FMN2: variants seen among roughly 807,000 people sequenced by gnomAD.
FMN2 encodes formin-2.
In FMN2, 51 loss-of-function variants were observed where a neutral mutation model predicts 142.3. The observed-to-expected ratio is 0.36, with a 90% CI of 0.29 to 0.45. FMN2 has a LOEUF of 0.45. Ranked by LOEUF, FMN2 falls within the 20% of genes least tolerant of loss-of-function variation. The pLI is 1.00. For missense variants in FMN2, 1,936 were observed against 2,122.8 expected, an observed-to-expected ratio of 0.91 and a Z score of 1.73; for synonymous variants, 882 against 869.8, an observed-to-expected ratio of 1.01 and a Z score of -0.25.
chr1:240,409,966 C>T (rs960757801), intron 15 of FMN2, among the ~76,000 whole-genome samples: 2 of 152,066 alleles, frequency 1.3e-5, no homozygotes, highest in African/African-American at 2.4e-5. Flanking sequence ...TAAATAATTA[C>T]ACACTTTAGT....
chr1:240,434,554 TG>T (rs1416296052), intron 15 of FMN2, among the ~76,000 whole-genome samples: 1 of 102,708 alleles, frequency 9.7e-6, no homozygotes, highest in Non-Finnish European at 2.4e-5. Context: ...TTTTGTTTTT[TG>T]TTTTTTTTTG....
At chr1:240,432,626 T>C (rs1675214309) in intron 15 of FMN2, among the ~76,000 whole-genome samples, 1 of 152,048 alleles carries the variant, frequency 6.6e-6, no homozygotes, top group South Asian at 2.1e-4. Context: ...CATTTTAAAG[T>C]TCAATTTCTC....
intron 6 of FMN2, among the ~76,000 whole-genome samples, chr1:240,257,450 T>A (rs1027148774): frequency 6.6e-5 from 10 of 152,250 alleles, no homozygotes; most frequent in Non-Finnish European, 1.2e-4. Context: ...AGCACTTTTT[T>A]AAAAAAATTT....
At chr1:240,137,520 A>T (rs1457306037) in intron 2 of FMN2, among the ~76,000 whole-genome samples, 1 of 152,240 alleles carries the variant, frequency 6.6e-6, no homozygotes, top group South Asian at 2.1e-4. Flanking sequence ...CATGTAATAC[A>T]TAGATAGTAA....
At position 240,330,583 on chromosome 1, in the gene FMN2, G is replaced by T. The variant is rs1403439464; in HGVS notation, c.4438-20G>T. Reference sequence around the variant, plus strand: ...TGGTATAAGATAAAAGTTGTTTTTTGTTGTTATTCTGTTTTACAGACATTA... The same window carrying T: ...TGGTATAAGATAAAAGTTGTTTTTTTTTGTTATTCTGTTTTACAGACATTA... On this transcript the variant is annotated intron_variant, in intron 10 of 17. Transcript: ENST00000319653. 6.2e-7 allele frequency: 1 copy of T among 1,601,290 alleles called. No homozygotes were observed. The highest frequency in any genetic ancestry group is 1.1e-5 in the South Asian group (1 of 88,210).
At chr1:240,442,967 C>T (rs1263074499) in intron 16 of FMN2, among the ~76,000 whole-genome samples, 1 of 152,220 alleles carries the variant, frequency 6.6e-6, no homozygotes, top group Non-Finnish European at 1.5e-5. Flanking sequence ...ATCATGTAGA[C>T]TAAATGACAT....
Position 240,092,964 on chromosome 1 carries a change from C to CGAGGCCCGG in FMN2, c.858_859insGCCCGGGAG (p.Glu286_Pro287insAlaArgGlu). 1 of 1,413,166 alleles carries CGAGGCCCGG rather than the reference C, an allele frequency of 7.1e-7. No individual in the cohort carries two copies. The highest frequency in any genetic ancestry group is 9.2e-7 in the Non-Finnish European group (1 of 1,091,832). 87.5% of individuals were successfully genotyped at this position (1,413,166 alleles called of 1,614,324 possible). ...CCGACCTGCCCGAGAGCCTGGCCGC[C>CGAGGCCCGG]GAGCCCCGGGAGCCCCAGCAACCGC... On this transcript the variant is annotated inframe_insertion, in exon 1 of 18. Coordinates refer to ENST00000319653, the MANE Select transcript of FMN2 (RefSeq NM_020066.5).
chr1:240,184,976 T>TCCCCCTTCTCTTTCTCCCTCCTATACCTG, intron 3 of FMN2, among the ~76,000 whole-genome samples: 1 of 69,362 alleles, frequency 1.4e-5, no homozygotes, highest in Middle Eastern at 9.4e-3. Flanking sequence ...TCCTATACCT[T>TCCCCCTTCTCTTTCTCCCTCCTATACCTG]CCCCTTCTCT....
intron 2 of FMN2, among the ~76,000 whole-genome samples, chr1:240,175,077 G>A (rs372703055): frequency 4.6e-5 from 7 of 152,216 alleles, no homozygotes; most frequent in African/African-American, 1.4e-4. Context: ...AGAATCATAC[G>A]GTATTCGTCT....
chr1:240,140,022 C>T (rs7537876), intron 2 of FMN2, among the ~76,000 whole-genome samples: 68,910 of 151,828 alleles, frequency 0.45, 15,820 homozygotes, highest in Admixed American at 0.48. Context: ...AAATTGGTTT[C>T]AGTTGGTAAG....
In FMN2 at chr1:240,334,339, A is replaced by G. The variant is rs886296802; in HGVS notation, c.4765+110A>G. 6 of 1,289,410 alleles carry G rather than the reference A, an allele frequency of 4.7e-6. No homozygotes were observed. The African/African-American group carries it at 9.1e-5, about 20-fold the overall frequency. 79.9% of individuals were successfully genotyped at this position (1,289,410 alleles called of 1,614,324 possible). ...TAATCTTTTTTATCTTTATAGAACT[A>G]AATTTGTGTGTGTGTGGCGAAAGAA... On this transcript the variant is annotated intron_variant, in intron 13 of 17. Transcript: ENST00000319653.
chr1:240,337,802 C>T (rs537689093), intron 13 of FMN2, among the ~76,000 whole-genome samples: 147 of 152,240 alleles, frequency 9.7e-4, no homozygotes, highest in Middle Eastern at 6.8e-3. Context: ...TTTAATGAGA[C>T]GACTGAATCT....
At chr1:240,205,422 A>AAAT (rs1252168694) in intron 4 of FMN2, among the ~76,000 whole-genome samples, 6 of 150,598 alleles carry the variant, frequency 4.0e-5, no homozygotes, top group African/African-American at 4.9e-5. Flanking sequence ...TATTCATATT[A>AAAT]AATAATTTAC....
intron 8 of FMN2, among the ~76,000 whole-genome samples, chr1:240,326,253 A>G (rs1275372069): frequency 2.6e-5 from 4 of 152,210 alleles, no homozygotes; most frequent in African/African-American, 9.7e-5. Context: ...TTTATGGGGC[A>G]TAGATAAAGT....
chr1:240,273,546 AG>A (rs1242962746), intron 7 of FMN2, among the ~76,000 whole-genome samples: 1 of 152,084 alleles, frequency 6.6e-6, no homozygotes, highest in Admixed American at 6.5e-5. Flanking sequence ...TTAGCTATAG[AG>A]CTAGTCTACT....
intron 15 of FMN2, among the ~76,000 whole-genome samples, chr1:240,411,063 C>T (rs1228019636): frequency 1.9e-5 from 1 of 51,366 alleles, no homozygotes; most frequent in African/African-American, 5.9e-5. Context: ...TCTTAGTCCC[C>T]ATCCTACTTC....
intron 3 of FMN2, among the ~76,000 whole-genome samples, chr1:240,179,915 A>C (rs543804066): frequency 2.6e-5 from 4 of 152,274 alleles, no homozygotes; most frequent in African/African-American, 9.6e-5. Flanking sequence ...TGATATTCTT[A>C]AATTTTAGGG....
At chr1:240,256,817 A>G (rs1409225399) in intron 6 of FMN2, among the ~76,000 whole-genome samples, 1 of 152,176 alleles carries the variant, frequency 6.6e-6, no homozygotes, top group African/African-American at 2.4e-5. Flanking sequence ...TCCTTCTGAA[A>G]GTGTTATGTT....
chr1:240,275,025 A>G (rs1669145650), intron 7 of FMN2, among the ~76,000 whole-genome samples: 1 of 151,458 alleles, frequency 6.6e-6, no homozygotes, highest in Admixed American at 6.6e-5. Context: ...ACCTGGTGGT[A>G]TACCTATAGC....
Sources: allele counts gnomAD v4.1 joint callset (sites outside exome capture counted in the v4.1 genomes callset), GRCh38; gene constraint gnomAD v4.1.1; transcripts MANE v1.5; gene names NCBI Gene and HGNC (gene_info 2026-07-23, HGNC 2026-07-21).